The following CDK15 variants were observed in gnomAD, a reference collection of about 807,000 sequenced individuals.
The protein encoded by CDK15 is cyclin dependent kinase 15.
CDK15 carries 62 observed loss-of-function variants against 60.3 expected under a neutral mutation model. The observed-to-expected ratio is 1.03, with a 90% CI of 0.84 to 1.27. The LOEUF is 1.27. CDK15 is among the 50% of genes most tolerant of loss of function. The pLI, the probability that CDK15 is intolerant of heterozygous loss-of-function variation, is 0.00. For missense variants in CDK15, 541 were observed against 527.8 expected (o/e 1.03, Z -0.25); for synonymous variants, 194 against 195.7 (o/e 0.99, Z 0.07).
chr2:201,849,549 A>C (rs545894718), intron 9 of CDK15, among the ~76,000 whole-genome samples: 7 of 149,272 alleles, frequency 4.7e-5, no homozygotes, highest in African/African-American at 1.7e-4. Context: ...GCCAAGGGGG[A>C]AAAAAAAAAG....
intron 4 of CDK15, among the ~76,000 whole-genome samples, chr2:201,814,261 T>C (rs1695897359): frequency 6.6e-6 from 1 of 152,240 alleles, no homozygotes; most frequent in Admixed American, 6.5e-5. Context: ...TTTCATTGCA[T>C]ATTTACGGAG....
chr2:201,868,935 T>TGTA, intron 10 of CDK15, among the ~76,000 whole-genome samples: 1 of 152,236 alleles, frequency 6.6e-6, no homozygotes, highest in Admixed American at 6.5e-5. Flanking sequence ...TTGGTGGGAG[T>TGTA]GTAAACTAGT....
At chr2:201,844,279 T>G (rs144602526) in intron 8 of CDK15, among the ~76,000 whole-genome samples, 1 of 152,322 alleles carries the variant, frequency 6.6e-6, no homozygotes, top group East Asian at 1.9e-4. Context: ...TCTGAGGCCT[T>G]TCAAGAAAGT....
Position 201,888,334 on chromosome 2 carries a change from G to A in CDK15, c.1199-2451G>A, listed in dbSNP as rs961123680. On this transcript the variant is annotated intron_variant, in intron 12 of 13. Coordinates refer to ENST00000652192, the MANE Select transcript of CDK15 (RefSeq NM_001366386.2). ...GACAACTATCTCATTATCTCGTTCC[G>A]AAATGATCTAAATACATAAGAATCT... 1.8e-5 allele frequency: 25 copies of A among 1,384,718 alleles called. No individual in the cohort carries two copies. The Admixed American group carries it at 1.8e-4, about 10-fold the overall frequency. 85.8% of individuals were successfully genotyped at this position (1,384,718 alleles called of 1,614,324 possible).
intron 10 of CDK15, among the ~76,000 whole-genome samples, chr2:201,866,532 G>A (rs1333269175): frequency 1.3e-5 from 2 of 152,148 alleles, no homozygotes; most frequent in Admixed American, 6.5e-5. Context: ...TTCCTGCCTC[G>A]AATTCCAATT....
chr2:201,863,512 T>C (rs1489845360), intron 10 of CDK15, among the ~76,000 whole-genome samples: 2 of 152,218 alleles, frequency 1.3e-5, no homozygotes, highest in Non-Finnish European at 2.9e-5. Context: ...CAGAGCCTCC[T>C]TCTCCATGTT....
rs998790135 is a variant in CDK15 at position 201,864,163 on chromosome 2, T to C, written c.1010-8115T>C. Among the ~76,000 whole-genome samples the C allele has an allele frequency of 2.0e-5, 3 of 151,956 alleles. No homozygotes were observed. The South Asian group carries it at 6.2e-4, about 32-fold the overall frequency. The stretch of plus-strand genomic sequence containing the variant: ...AGGGGAAAATAAATAAATAATACAA[T>C]GTGGGAAGTATACTACAGCAGCATT... On this transcript the variant is annotated intron_variant, in intron 10 of 13. Transcript: ENST00000652192.
intron 5 of CDK15, among the ~76,000 whole-genome samples, chr2:201,823,201 C>A (rs1337632446): frequency 1.3e-5 from 2 of 152,066 alleles, no homozygotes; most frequent in Non-Finnish European, 2.9e-5. Context: ...TAATCACTAT[C>A]TGAGCAGAAT....
At chr2:201,864,676 C>T (rs752441380) in intron 10 of CDK15, among the ~76,000 whole-genome samples, 7 of 152,008 alleles carry the variant, frequency 4.6e-5, no homozygotes, top group Non-Finnish European at 7.3e-5. Flanking sequence ...GCCGGGATTA[C>T]AGGCATGAGC....
chr2:201,865,889 C>CAAAA (rs1262940691), intron 10 of CDK15, among the ~76,000 whole-genome samples: 727 of 24,792 alleles, frequency 0.029, 75 homozygotes, highest in African/African-American at 0.09. Context: ...GATTCCATCT[C>CAAAA]AACAAAAAAA....
chr2:201,820,721 G>A (rs1696184735), intron 4 of CDK15, among the ~76,000 whole-genome samples: 1 of 152,158 alleles, frequency 6.6e-6, no homozygotes, highest in Non-Finnish European at 1.5e-5. Flanking sequence ...TCTCAAAAAG[G>A]GGGAAAGTCA....
intron 11 of CDK15, among the ~76,000 whole-genome samples, chr2:201,879,393 T>C (rs1302693481): frequency 3.3e-5 from 5 of 152,232 alleles, no homozygotes; most frequent in African/African-American, 7.2e-5. Flanking sequence ...TTTGTTTGTT[T>C]GTTTGAGACA....
chr2:201,864,815 T>C (rs540217422), intron 10 of CDK15, among the ~76,000 whole-genome samples: 8 of 152,194 alleles, frequency 5.3e-5, no homozygotes, highest in Non-Finnish European at 8.8e-5. Flanking sequence ...AACCACAAAA[T>C]GGAGATATCT....
intron 13 of CDK15, among the ~76,000 whole-genome samples, chr2:201,892,925 G>A (rs748028411): frequency 1.7e-4 from 26 of 152,130 alleles, no homozygotes; most frequent in Non-Finnish European, 3.1e-4. Context: ...TTTCAGGCAG[G>A]GAAAAAATGT....
chr2:201,888,841 G>A (rs1338922262), intron 12 of CDK15: 1 of 1,074,950 alleles, frequency 9.3e-7, no homozygotes, highest in Admixed American at 4.8e-5. Context: ...CTCCCCGAGA[G>A]AAGTTCCCCA....
At chr2:201,824,014 C>G (rs545356751) in intron 6 of CDK15, among the ~76,000 whole-genome samples, 1 of 151,942 alleles carries the variant, frequency 6.6e-6, no homozygotes, top group Non-Finnish European at 1.5e-5. Flanking sequence ...GATGAATAAA[C>G]GAGTGAAGGA....
chr2:201,850,852 C>A (rs573928099), intron 9 of CDK15, among the ~76,000 whole-genome samples: 4 of 152,282 alleles, frequency 2.6e-5, no homozygotes, highest in Admixed American at 2.6e-4. Context: ...TGGTCCTAGA[C>A]TTCATTTGTC....
intron 10 of CDK15, among the ~76,000 whole-genome samples, chr2:201,859,716 A>C (rs938720710): frequency 3.9e-5 from 6 of 152,224 alleles, no homozygotes; most frequent in Non-Finnish European, 5.9e-5. Context: ...AAGCATCTGA[A>C]GGGTATTAAA....
chr2:201,873,088 C>T (rs1016762360), intron 11 of CDK15, among the ~76,000 whole-genome samples: 1 of 151,698 alleles, frequency 6.6e-6, no homozygotes, highest in Non-Finnish European at 1.5e-5. Flanking sequence ...ACTGAACACT[C>T]GAACATTGTT....
Sources: allele counts gnomAD v4.1 joint callset (sites outside exome capture counted in the v4.1 genomes callset), GRCh38; gene constraint gnomAD v4.1.1; transcripts MANE v1.5; gene names NCBI Gene and HGNC (gene_info 2026-07-23, HGNC 2026-07-21).